The following SPIRE2 variants were observed in gnomAD, a reference collection of about 807,000 sequenced individuals.
SPIRE2 encodes spire type actin nucleation factor 2.
In SPIRE2, 76 loss-of-function variants were observed where a neutral mutation model predicts 80.7. The ratio of observed to expected loss-of-function variants is 0.94; its 90% confidence interval spans 0.78 to 1.14. The LOEUF (loss-of-function observed/expected upper bound fraction) is 1.14. Ranked by LOEUF, SPIRE2 falls within the 50% of genes most tolerant of loss-of-function variation. The probability of loss-of-function intolerance (pLI) is 0.00; values close to 1 mark genes in which losing one functional copy is unlikely to be tolerated. For synonymous variants in SPIRE2, 535 were observed against 432.6 expected, an observed-to-expected ratio of 1.24 and a Z score of -2.94; for missense variants, 1,196 against 1,015.3, an observed-to-expected ratio of 1.18 and a Z score of -2.42.
At chr16:89,865,173 A>AT (rs1210462996) in intron 12 of SPIRE2, among the ~76,000 whole-genome samples, 2 of 151,806 alleles carry the variant, frequency 1.3e-5, no homozygotes, top group Non-Finnish European at 2.9e-5. Flanking sequence ...CTCCCAGCTA[A>AT]TTTTTTGTAT....
At chr16:89,851,217 G>A (rs1360041249) in intron 3 of SPIRE2, among the ~76,000 whole-genome samples, 1 of 152,116 alleles carries the variant, frequency 6.6e-6, no homozygotes, top group Admixed American at 6.5e-5. Flanking sequence ...CTCCCAGCGC[G>A]CATTATTCTC....
In SPIRE2 at chr16:89,854,363, C is replaced by T. The variant is rs772737876; in HGVS notation, c.723C>T (p.Asp241=). ...AGCTGGACAGCCTGGGTCACACAGA[C>T]TGGGTAAGGCTCACTCCCACCTGAC... The part of the protein sequence containing the change: ...RAELDSLGHT[D]WARLWVQLMR... Residue 241 remains aspartate, a synonymous_variant, in exon 4 of 15, where the codon GAC becomes GAT. Transcript: ENST00000378247. 17 of 1,612,328 alleles carry T rather than the reference C, an allele frequency of 1.1e-5. No individual in the cohort carries two copies. The highest frequency in any genetic ancestry group is 1.6e-4 in the Middle Eastern group (1 of 6,062).
chr16:89,858,589 C>T (rs1267792447), intron 8 of SPIRE2, 82 bp downstream of exon 8: 36 of 1,362,664 alleles, frequency 2.6e-5, no homozygotes, highest in South Asian at 3.2e-5. Flanking sequence ...TAAGCTAAGC[C>T]GGGGGCAGCA....
intron 1 of SPIRE2, among the ~76,000 whole-genome samples, chr16:89,838,240 T>A (rs1419836351): frequency 6.8e-6 from 1 of 146,092 alleles, no homozygotes; most frequent in Non-Finnish European, 1.5e-5. Flanking sequence ...TGGAGTGTAG[T>A]GGTGCAATCT....
chr16:89,854,792 T>C (rs781456232), intron 5 of SPIRE2, 141 bp downstream of exon 5: 5 of 834,688 alleles, frequency 6.0e-6, no homozygotes, highest in Admixed American at 2.7e-5. Flanking sequence ...GGGTACTGGG[T>C]CATAAAATAT....
chr16:89,844,834 C>G (rs1003663371), intron 1 of SPIRE2, among the ~76,000 whole-genome samples: 2 of 152,172 alleles, frequency 1.3e-5, no homozygotes. Flanking sequence ...TCTCCCACCT[C>G]GGCATCTCAA....
chr16:89,860,817 G>A (rs376518534), intron 10 of SPIRE2, 22 bp downstream of exon 10: 26 of 1,425,194 alleles, frequency 1.8e-5, no homozygotes, highest in Admixed American at 1.4e-4. Flanking sequence ...TGCGATTGTC[G>A]TCCAGGGCGG....
At chr16:89,841,325 A>G (rs1426539538) in intron 1 of SPIRE2, among the ~76,000 whole-genome samples, 2 of 152,180 alleles carry the variant, frequency 1.3e-5, no homozygotes, top group Non-Finnish European at 2.9e-5. Context: ...CCACCTTAGC[A>G]TGGCACTAAT....
At position 89,855,184 on chromosome 16, in the gene SPIRE2, C is replaced by T. The variant is rs768478933; in HGVS notation, c.892-416C>T. ...CGATCTCCTGACCTTGTGATCTGCCCACCTCGGCCTCCCAAAGTGCCAGGA... is the reference window on the plus strand; with the variant it reads ...CGATCTCCTGACCTTGTGATCTGCCTACCTCGGCCTCCCAAAGTGCCAGGA... On this transcript the variant is annotated intron_variant, in intron 5 of 14. Coordinates refer to ENST00000378247, the MANE Select transcript of SPIRE2 (RefSeq NM_032451.2). Among the ~76,000 whole-genome samples the T allele has an allele frequency of 2.6e-5, 4 of 152,154 alleles. No homozygotes were observed. In the South Asian group the frequency reaches 6.2e-4, roughly 24 times the overall value.
At chr16:89,845,000 G>C (rs994899211) in intron 1 of SPIRE2, among the ~76,000 whole-genome samples, 2 of 152,186 alleles carry the variant, frequency 1.3e-5, no homozygotes, top group Non-Finnish European at 2.9e-5. Flanking sequence ...GCCCTGACTC[G>C]CCTTTGAGTG....
chr16:89,864,889 G>A (rs1292114295), intron 12 of SPIRE2, among the ~76,000 whole-genome samples: 1 of 151,826 alleles, frequency 6.6e-6, no homozygotes, highest in Non-Finnish European at 1.5e-5. Flanking sequence ...CAAAAAACAA[G>A]ACAAAATTAA....
Position 89,845,330 on chromosome 16 carries a change from A to G in SPIRE2, c.253A>G (p.Thr85Ala), listed in dbSNP as rs2041548036. The change falls in exon 2 of 15, where the codon ACC (threonine) becomes GCC (alanine). Residue 85 changes from threonine to alanine, a missense_variant. Thr to Ala is a moderately conservative substitution (Grantham distance 58). Coordinates refer to ENST00000378247, the MANE Select transcript of SPIRE2 (RefSeq NM_032451.2). ...AREPEAAEPA[T>A]MVVPLASSEA... is the part of the protein sequence containing the mutation. The stretch of plus-strand genomic sequence containing the variant: ...TCCCTCTTCTCTTACAGAACCTGCA[A>G]CCATGGTCGTGCCACTAGCCAGCTC... The G allele has an allele frequency of 1.2e-6, 2 of 1,614,044 alleles. No individual in the cohort carries two copies. The highest frequency in any genetic ancestry group is 1.7e-6 in the Non-Finnish European group (2 of 1,180,034).
intron 8 of SPIRE2, 34 bp downstream of exon 8, chr16:89,858,541 A>C: frequency 6.6e-7 from 1 of 1,507,090 alleles, no homozygotes; most frequent in Non-Finnish European, 8.9e-7. Context: ...AAAAGAGACC[A>C]GGAATGGGAG....
chr16:89,828,509 T>G lies in SPIRE2; in HGVS notation c.-42T>G. ...CTGCGCGGCGGAAGGCGCGGCTGCATGGACGCGGGTCCGGCGCGCGGGAGG... is the reference window on the plus strand; with the variant it reads ...CTGCGCGGCGGAAGGCGCGGCTGCAGGGACGCGGGTCCGGCGCGCGGGAGG... On this transcript the variant is annotated 5_prime_UTR_variant, in exon 1 of 15. An upstream start codon of the reference 5' UTR is lost. Coordinates refer to ENST00000378247, the MANE Select transcript of SPIRE2 (RefSeq NM_032451.2). This position sits in a 1 kb window ranked among gnomAD's most constrained non-coding sequence, Gnocchi z 5.9. 1 of 1,015,764 alleles carries G rather than the reference T, an allele frequency of 9.8e-7. No homozygotes were observed. The highest frequency in any genetic ancestry group is 1.2e-6 in the Non-Finnish European group (1 of 851,900). The allele number at this position is 1,015,764 out of a possible 1,614,324, so 62.9% of individuals were successfully genotyped here. A position where few individuals can be genotyped will look rare whatever the true frequency, so the allele number is the denominator to read the frequency against.
chr16:89,855,957 C>G, intron 6 of SPIRE2, 156 bp from the exon 7 acceptor site: 1 of 1,333,494 alleles, frequency 7.5e-7, no homozygotes, highest in Non-Finnish European at 1.0e-6. Flanking sequence ...CTGGGAGCAG[C>G]ACTCCCTCCG....
chr16:89,851,386 G>T (rs1280549705), intron 3 of SPIRE2, among the ~76,000 whole-genome samples: 2 of 152,162 alleles, frequency 1.3e-5, no homozygotes, highest in African/African-American at 4.8e-5. Context: ...AGCTTTGGGT[G>T]GGGACGGGCC....
intron 1 of SPIRE2, among the ~76,000 whole-genome samples, chr16:89,830,818 T>C (rs922705553): frequency 2.0e-5 from 3 of 150,790 alleles, no homozygotes; most frequent in African/African-American, 7.3e-5. Context: ...CAAGTAGTAA[T>C]ACTTCTCATT....
chr16:89,850,657 G>A lies in SPIRE2; in HGVS notation c.642G>A (p.Lys214=), dbSNP rs1256507439. 3 of 1,483,756 alleles carry A rather than the reference G, an allele frequency of 2.0e-6. No individual in the cohort carries two copies. Among genetic ancestry groups the A allele is most frequent in the Non-Finnish European group, 2.7e-6 (3 of 1,124,228 alleles). 91.9% of individuals were successfully genotyped at this position (1,483,756 alleles called of 1,614,324 possible). Residue 214 remains lysine, a synonymous_variant, in exon 3 of 15, where the codon AAG becomes AAA. Coordinates refer to ENST00000378247, the MANE Select transcript of SPIRE2 (RefSeq NM_032451.2). The part of the protein sequence containing the change: ...RAFLARVREA[K]EMLQKLREDE... ...TCCTGGCCAGGGTCCGGGAGGCCAA[G>A]GAGGTGAGCGGTGGGTGGGGGCGAC...
chr16:89,828,738 G>T lies in SPIRE2; in HGVS notation c.188G>T (p.Gly63Val). 8.1e-7 allele frequency: 1 copy of T among 1,232,274 alleles called. No homozygotes were observed. The highest frequency in any genetic ancestry group is 1.0e-6 in the Non-Finnish European group (1 of 985,118). 76.3% of individuals were successfully genotyped at this position (1,232,274 alleles called of 1,614,324 possible). ...GSPGRRLRDT[G>V]DLLLRGDGSV... ...CCGGGCCGGCGCCTGCGGGATACCG[G>T]GGACCTCCTGCTGCGCGGGGACGGC... The change falls in exon 1 of 15, where the codon GGG becomes GTG. Residue 63 changes from glycine to valine, a missense_variant. Physicochemically the swap from Gly to Val is moderately radical, Grantham distance 109. Transcript: ENST00000378247. This position sits in a 1 kb window ranked among gnomAD's most constrained non-coding sequence, Gnocchi z 5.9.
Sources: allele counts gnomAD v4.1 joint callset (sites outside exome capture counted in the v4.1 genomes callset), GRCh38; gene constraint gnomAD v4.1.1; non-coding constraint Gnocchi (gnomAD v3.1); transcripts MANE v1.5; gene names NCBI Gene and HGNC (gene_info 2026-07-23, HGNC 2026-07-21).